LOC128125817: variants seen among roughly 807,000 people sequenced by gnomAD.
chr1:41,598,760 C>T, the LOC128125817 span, among the ~76,000 whole-genome samples: 1 of 152,064 alleles, frequency 6.6e-6, no homozygotes, highest in African/African-American at 2.4e-5. Context: ...TCAATGGAAA[C>T]AGAGTAGGGT....
the LOC128125817 span, among the ~76,000 whole-genome samples, chr1:41,627,322 T>C: frequency 6.6e-6 from 1 of 152,198 alleles, no homozygotes. Flanking sequence ...TTGGAGCAAT[T>C]TGCCTCTTAA....
At chr1:41,610,570 G>A in the LOC128125817 span, among the ~76,000 whole-genome samples, 1 of 152,168 alleles carries the variant, frequency 6.6e-6, no homozygotes, top group Non-Finnish European at 1.5e-5. Flanking sequence ...CTGCAAAGCA[G>A]GCTAACAGCA....
chr1:41,591,692 T>C, the LOC128125817 span, among the ~76,000 whole-genome samples: 6 of 152,088 alleles, frequency 3.9e-5, no homozygotes, highest in East Asian at 5.8e-4. Context: ...TGGATTTTCA[T>C]GAGATAATGA....
the LOC128125817 span, among the ~76,000 whole-genome samples, chr1:41,625,038 C>T: frequency 6.6e-6 from 1 of 151,976 alleles, no homozygotes; most frequent in Non-Finnish European, 1.5e-5. Context: ...TGGCATGCGC[C>T]TGTAAGCCCA....
the LOC128125817 span, among the ~76,000 whole-genome samples, chr1:41,620,537 C>T: frequency 1.3e-5 from 2 of 152,152 alleles, no homozygotes; most frequent in African/African-American, 4.8e-5. Context: ...AAGCTTTGGT[C>T]TCTAATCCCC....
chr1:41,623,832 A>G, the LOC128125817 span, among the ~76,000 whole-genome samples: 1 of 152,160 alleles, frequency 6.6e-6, no homozygotes, highest in East Asian at 1.9e-4. Context: ...CCCCTCGGGT[A>G]TCCTTTTTCC....
At chr1:41,616,252 T>C in the LOC128125817 span, among the ~76,000 whole-genome samples, 1 of 152,204 alleles carries the variant, frequency 6.6e-6, no homozygotes, top group East Asian at 1.9e-4. Context: ...AGTGGAACCA[T>C]GTGGGCTCCA....
chr1:41,608,869 T>C, the LOC128125817 span, among the ~76,000 whole-genome samples: 7 of 149,002 alleles, frequency 4.7e-5, no homozygotes, highest in Non-Finnish European at 7.4e-5. Context: ...GTCAGGAGTT[T>C]GGGACCAGCC....
chr1:41,592,017 C>A, the LOC128125817 span, among the ~76,000 whole-genome samples: 1 of 152,180 alleles, frequency 6.6e-6, no homozygotes. Context: ...TGCTTGGGAG[C>A]TCTACAGGGG....
At chr1:41,604,401 A>C in the LOC128125817 span, among the ~76,000 whole-genome samples, 1 of 152,260 alleles carries the variant, frequency 6.6e-6, no homozygotes, top group African/African-American at 2.4e-5. Context: ...TATAATAATA[A>C]GTAAAGGAAT....
chr1:41,607,704 T>C, the LOC128125817 span, among the ~76,000 whole-genome samples: 1 of 152,254 alleles, frequency 6.6e-6, no homozygotes, highest in Non-Finnish European at 1.5e-5. Flanking sequence ...GATTATGTTG[T>C]AAAGTTAGGA....
the LOC128125817 span, among the ~76,000 whole-genome samples, chr1:41,617,561 TGCGG>T: frequency 6.6e-6 from 1 of 152,240 alleles, no homozygotes; most frequent in East Asian, 1.9e-4. Flanking sequence ...CCTCTTAAAG[TGCGG>T]CACCGCCTGG....
At chr1:41,627,318 C>A in the LOC128125817 span, among the ~76,000 whole-genome samples, 1 of 152,324 alleles carries the variant, frequency 6.6e-6, no homozygotes, top group Admixed American at 6.5e-5. Context: ...AGAGTTGGAG[C>A]AATTTGCCTC....
chr1:41,626,544 C>G, the LOC128125817 span, among the ~76,000 whole-genome samples: 1 of 152,186 alleles, frequency 6.6e-6, no homozygotes, highest in Non-Finnish European at 1.5e-5. Context: ...GACCCCCCAT[C>G]TGTACTCCCT....
the LOC128125817 span, among the ~76,000 whole-genome samples, chr1:41,594,789 T>C: frequency 6.6e-6 from 1 of 152,350 alleles, no homozygotes; most frequent in East Asian, 1.9e-4. Flanking sequence ...CATCCAATAT[T>C]ACTTTTTAGA....
chr1:41,626,501 G>C, the LOC128125817 span, among the ~76,000 whole-genome samples: 7 of 152,314 alleles, frequency 4.6e-5, no homozygotes, highest in South Asian at 1.5e-3. Context: ...GCACGAAGCG[G>C]GGGGAGGGGA....
the LOC128125817 span, among the ~76,000 whole-genome samples, chr1:41,596,214 T>C: frequency 2.0e-5 from 3 of 152,190 alleles, no homozygotes; most frequent in African/African-American, 7.2e-5. Context: ...AACAGAGCTG[T>C]GGTCAGTGAC....
chr1:41,604,434 C>T, the LOC128125817 span, among the ~76,000 whole-genome samples: 5 of 152,050 alleles, frequency 3.3e-5, no homozygotes, highest in Admixed American at 2.0e-4. Context: ...GACTATATGC[C>T]GTGTGATGAT....
the LOC128125817 span, among the ~76,000 whole-genome samples, chr1:41,590,615 C>T: frequency 1.3e-5 from 2 of 152,212 alleles, no homozygotes; most frequent in Non-Finnish European, 2.9e-5. Flanking sequence ...CATCTTTGAG[C>T]TTGTTACTTG....
Sources: gnomAD v4.1 joint callset for allele counts (sites outside exome capture counted in the v4.1 genomes callset) on GRCh38, gnomAD v4.1.1 for gene constraint, MANE v1.5 for transcripts.